RAPGEF4: variants seen among roughly 807,000 people sequenced by gnomAD.
RAPGEF4 encodes Rap guanine nucleotide exchange factor 4.
In RAPGEF4, 66 loss-of-function variants were observed where a neutral mutation model predicts 147.9. The ratio of observed to expected loss-of-function variants is 0.45; its 90% confidence interval spans 0.37 to 0.55. RAPGEF4 has a LOEUF of 0.55. Ranked by LOEUF, RAPGEF4 falls within the 20% of genes least tolerant of loss-of-function variation. The probability of loss-of-function intolerance (pLI) is 0.00; values close to 1 mark genes in which losing one functional copy is unlikely to be tolerated. For missense variants in RAPGEF4, 1,071 were observed against 1,257.3 expected (o/e 0.85, Z 2.24); for synonymous variants, 419 against 442.7 (o/e 0.95, Z 0.67).
intron 1 of RAPGEF4, among the ~76,000 whole-genome samples, chr2:172,759,647 T>C (rs1013525345): frequency 1.1e-4 from 17 of 152,240 alleles, no homozygotes; most frequent in African/African-American, 3.9e-4. Context: ...GCCATGTCCC[T>C]GGAAACATAT....
chr2:173,022,389 GA>G (rs1696190728), intron 23 of RAPGEF4, among the ~76,000 whole-genome samples: 1 of 152,256 alleles, frequency 6.6e-6, no homozygotes. Flanking sequence ...CCCTGGGCAT[GA>G]ACTTCTTCCC....
At chr2:172,933,235 ATGG>A (rs1686174025) in intron 6 of RAPGEF4, among the ~76,000 whole-genome samples, 2 of 152,130 alleles carry the variant, frequency 1.3e-5, no homozygotes, top group South Asian at 2.1e-4. Flanking sequence ...GCTAGAGATG[ATGG>A]TGGAGTTGCA....
chr2:173,041,983 CTG>C (rs1338301196), intron 29 of RAPGEF4, among the ~76,000 whole-genome samples: 1 of 152,094 alleles, frequency 6.6e-6, no homozygotes, highest in Non-Finnish European at 1.5e-5. Context: ...GTGGTGCTAA[CTG>C]TGCCTGACCT....
chr2:172,976,309 A>T (rs4972522), intron 10 of RAPGEF4, among the ~76,000 whole-genome samples: 19,126 of 152,176 alleles, frequency 0.13, 1,384 homozygotes, highest in South Asian at 0.19. Flanking sequence ...CTTAAGAAGC[A>T]GGGGTCCTGA....
chr2:172,839,735 C>T (rs1691371474), intron 4 of RAPGEF4, among the ~76,000 whole-genome samples: 1 of 152,150 alleles, frequency 6.6e-6, no homozygotes, highest in Non-Finnish European at 1.5e-5. Flanking sequence ...GGTTTACATA[C>T]CTCTGACAGC....
chr2:173,018,097 G>A (rs1466916034), intron 21 of RAPGEF4, among the ~76,000 whole-genome samples: 1 of 152,194 alleles, frequency 6.6e-6, no homozygotes, highest in African/African-American at 2.4e-5. Flanking sequence ...ATTGCTCCCA[G>A]GATTTTTGTG....
At chr2:172,741,552 C>G (rs1254443074) in intron 1 of RAPGEF4, among the ~76,000 whole-genome samples, 2 of 152,188 alleles carry the variant, frequency 1.3e-5, no homozygotes, top group African/African-American at 4.8e-5. Context: ...TAGCTCTAAT[C>G]TAATCTATTC....
intron 4 of RAPGEF4, among the ~76,000 whole-genome samples, chr2:172,848,656 T>G (rs1473777720): frequency 6.6e-6 from 1 of 152,190 alleles, no homozygotes. Flanking sequence ...TTACAGAGTT[T>G]TCACAAAAGA....
intron 4 of RAPGEF4, chr2:172,860,186 T>G (rs1362380744): frequency 2.4e-6 from 2 of 840,592 alleles, no homozygotes; most frequent in Non-Finnish European, 2.6e-6. Context: ...GATTGCAACT[T>G]GACCATGTTG....
chr2:172,967,234 T>C, intron 9 of RAPGEF4, 27 bp from the exon 10 acceptor site: 2 of 1,600,686 alleles, frequency 1.2e-6, no homozygotes, highest in Non-Finnish European at 1.7e-6. Context: ...GTGCTGCAGC[T>C]GACACGTGCT....
At chr2:172,931,877 G>A (rs1019306878) in intron 6 of RAPGEF4, among the ~76,000 whole-genome samples, 2 of 152,066 alleles carry the variant, frequency 1.3e-5, no homozygotes, top group African/African-American at 2.4e-5. Context: ...ACATAGATGC[G>A]TAAATGGTTC....
chr2:172,972,424 G>A (rs762459723), intron 10 of RAPGEF4, among the ~76,000 whole-genome samples: 9 of 152,148 alleles, frequency 5.9e-5, no homozygotes, highest in Admixed American at 1.3e-4. Context: ...CCACAGTTAC[G>A]AAGTTCATCT....
intron 10 of RAPGEF4, among the ~76,000 whole-genome samples, chr2:172,982,316 G>A (rs1448689162): frequency 6.6e-6 from 1 of 151,080 alleles, no homozygotes; most frequent in Non-Finnish European, 1.5e-5. Context: ...AAAATTTTAG[G>A]ACAAAATGCA....
chr2:172,806,002 A>C (rs901927317), intron 3 of RAPGEF4, among the ~76,000 whole-genome samples: 1 of 144,792 alleles, frequency 6.9e-6, no homozygotes, highest in African/African-American at 2.6e-5. Context: ...TCATTGTATC[A>C]GATATTATCC....
intron 1 of RAPGEF4, among the ~76,000 whole-genome samples, chr2:172,772,533 G>A (rs1180007347): frequency 2.6e-5 from 4 of 151,844 alleles, no homozygotes; most frequent in Non-Finnish European, 5.9e-5. Context: ...CAGTAGAAAC[G>A]GGGCTTCACC....
Position 173,048,667 on chromosome 2 carries a change from C to T in RAPGEF4, c.2908+13C>T. ...AGCCAACCCTTCAGTAAGTTAAGTG[C>T]TGCCACCTCTTACAATGTAGATGTT... On this transcript the variant is annotated intron_variant, in intron 30 of 30. Transcript: ENST00000397081. 1 of 1,614,124 alleles carries T rather than the reference C, an allele frequency of 6.2e-7. No homozygotes were observed. The highest frequency in any genetic ancestry group is 8.5e-7 in the Non-Finnish European group (1 of 1,180,006).
Position 173,051,249 on chromosome 2 carries a change from C to G in RAPGEF4, c.2909-391C>G, listed in dbSNP as rs193150324. 4.6e-5 allele frequency among the ~76,000 whole-genome samples: 7 copies of G among 152,278 alleles called. No individual in the cohort carries two copies. In the South Asian group the frequency reaches 6.2e-4, roughly 14 times the overall value. ...TTTGTGAGGGGCTAATAAAAACTGT[C>G]TTTTGACATTAGTCTTCATCTGGAT... On this transcript the variant is annotated intron_variant, in intron 30 of 30. Coordinates refer to ENST00000397081, the MANE Select transcript of RAPGEF4 (RefSeq NM_007023.4).
At chr2:172,947,619 C>T (rs1489811523) in intron 6 of RAPGEF4, among the ~76,000 whole-genome samples, 1 of 152,094 alleles carries the variant, frequency 6.6e-6, no homozygotes, top group Non-Finnish European at 1.5e-5. Flanking sequence ...AAAATTGCTG[C>T]ATGTTGGGCT....
chr2:172,883,630 C>G (rs1171414786), intron 4 of RAPGEF4, among the ~76,000 whole-genome samples: 2 of 152,144 alleles, frequency 1.3e-5, no homozygotes, highest in African/African-American at 4.8e-5. Context: ...TTTAAAAATT[C>G]TGCTAGGTAA....
Sources: gnomAD v4.1 joint callset for allele counts (sites outside exome capture counted in the v4.1 genomes callset) on GRCh38, gnomAD v4.1.1 for gene constraint, MANE v1.5 for transcripts, NCBI Gene and HGNC (gene_info 2026-07-23, HGNC 2026-07-21) for gene names.